The following SEPTIN7 variants were observed in gnomAD, a reference collection of about 807,000 sequenced individuals.
SEPTIN7 encodes the protein septin 7.
A neutral mutation model predicts 63.3 loss-of-function variants in SEPTIN7; 10 were observed. That is an observed-to-expected ratio of 0.16 (90% CI 0.10 to 0.27). The LOEUF (loss-of-function observed/expected upper bound fraction) is 0.27, where lower values mean the gene tolerates loss of function less well. Among genes scored for constraint, SEPTIN7 ranks in the 10% least tolerant of loss-of-function variants. The probability of loss-of-function intolerance (pLI) is 1.00; values close to 1 mark genes in which losing one functional copy is unlikely to be tolerated. For missense variants in SEPTIN7, 310 were observed against 521.0 expected, an observed-to-expected ratio of 0.59 and a Z score of 3.94; for synonymous variants, 131 against 165.3, an observed-to-expected ratio of 0.79 and a Z score of 1.59.
chr7:35,848,250 C>T (rs1332089665), intron 3 of SEPTIN7, among the ~76,000 whole-genome samples: 1 of 152,150 alleles, frequency 6.6e-6, no homozygotes, highest in East Asian at 1.9e-4. Flanking sequence ...ATCTGAAAGA[C>T]TAATAGTATT....
rs1171997994 is a variant in SEPTIN7, at chr7:35,905,890, T to C, written c.*1597T>C. 6.6e-6 allele frequency: 1 copy of C among 152,342 alleles called. No individual in the cohort carries two copies. Among genetic ancestry groups the C allele is most frequent in the East Asian group, 1.9e-4 (1 of 5,190 alleles). 9.4% of individuals were successfully genotyped at this position (152,342 alleles called of 1,614,324 possible). On this transcript the variant is annotated 3_prime_UTR_variant, in exon 14 of 14. Transcript: ENST00000350320. ...CATAGATTTTAATGTAATGCATAAT[T>C]TAGGTAAGAAATTAATTAATGTAGC...
chr7:35,894,670 G>A lies in SEPTIN7; in HGVS notation c.999-3578G>A, dbSNP rs1342547792. ...CTCAAAATTTTTAGAAATTTTTATT[G>A]AACTTTGAAATTATTTAAGTGAAAT... is the stretch of plus-strand genomic sequence containing the variant. On this transcript the variant is annotated intron_variant, in intron 11 of 13. Transcript: ENST00000350320. Among the ~76,000 whole-genome samples the A allele has an allele frequency of 2.0e-5, 3 of 152,098 alleles. No homozygotes were observed. In the South Asian group the frequency reaches 6.2e-4, roughly 31 times the overall value.
intron 1 of SEPTIN7, among the ~76,000 whole-genome samples, chr7:35,809,752 G>A (rs752260044): frequency 2.0e-5 from 3 of 152,216 alleles, no homozygotes; most frequent in African/African-American, 7.2e-5. Context: ...TGGTATTGCT[G>A]TGCTGAGAAT....
chr7:35,831,598 T>C, intron 2 of SEPTIN7, 102 bp downstream of exon 2: 1 of 326,296 alleles, frequency 3.1e-6, no homozygotes, highest in South Asian at 2.5e-5. Context: ...TTAGGTTTAA[T>C]GCATATTTCT....
At chr7:35,897,868 T>C (rs1276277052) in intron 11 of SEPTIN7, among the ~76,000 whole-genome samples, 3 of 152,178 alleles carry the variant, frequency 2.0e-5, no homozygotes, top group Non-Finnish European at 4.4e-5. Flanking sequence ...ACTAAAAATA[T>C]TCTACATATG....
chr7:35,838,832 G>A (rs142896352), intron 3 of SEPTIN7, among the ~76,000 whole-genome samples: 7 of 152,282 alleles, frequency 4.6e-5, no homozygotes, highest in African/African-American at 1.7e-4. Flanking sequence ...TTTGATCTAA[G>A]TTGTGAGGCA....
chr7:35,834,936 C>T (rs1056177707), intron 3 of SEPTIN7, among the ~76,000 whole-genome samples: 7 of 152,138 alleles, frequency 4.6e-5, no homozygotes, highest in Admixed American at 3.9e-4. Context: ...TTACAACTTA[C>T]ACATTGATAT....
intron 4 of SEPTIN7, among the ~76,000 whole-genome samples, chr7:35,865,932 T>G (rs1466114082): frequency 6.6e-6 from 1 of 152,236 alleles, no homozygotes; most frequent in Non-Finnish European, 1.5e-5. Context: ...AAAATAACAC[T>G]TCAAAAATAT....
chr7:35,823,925 C>G (rs1783369865), intron 1 of SEPTIN7, among the ~76,000 whole-genome samples: 1 of 151,754 alleles, frequency 6.6e-6, no homozygotes, highest in Non-Finnish European at 1.5e-5. Flanking sequence ...GTCCTTCATT[C>G]CATAAATGTT....
rs1191894338 is a variant in SEPTIN7, at chr7:35,905,204, GA to G, written c.*917del. On this transcript the variant is annotated 3_prime_UTR_variant, in exon 14 of 14. Transcript: ENST00000350320. ...AATGGGAATCATGGCCTCTTGAAGA[GA>G]AAAAAGTCACCATTCTGCATTTAGC... The G allele has an allele frequency of 6.6e-6, 1 of 152,484 alleles. No individual in the cohort carries two copies. Among genetic ancestry groups the G allele is most frequent in the Admixed American group, 6.5e-5 (1 of 15,270 alleles). 9.4% of individuals were successfully genotyped at this position (152,484 alleles called of 1,614,324 possible).
chr7:35,904,171 A>G, intron 13 of SEPTIN7, 83 bp from the exon 14 acceptor site: 1 of 986,254 alleles, frequency 1.0e-6, no homozygotes, highest in Non-Finnish European at 1.4e-6. Context: ...CATTGTTGTA[A>G]TTGGGTTAGC....
intron 7 of SEPTIN7, among the ~76,000 whole-genome samples, chr7:35,881,156 T>C (rs1201198868): frequency 2.0e-5 from 3 of 151,990 alleles, no homozygotes; most frequent in Non-Finnish European, 4.4e-5. Context: ...AAATTCATAC[T>C]AATTTTCAGA....
chr7:35,861,361 G>A (rs1785498396), intron 3 of SEPTIN7, among the ~76,000 whole-genome samples: 1 of 152,110 alleles, frequency 6.6e-6, no homozygotes, highest in Non-Finnish European at 1.5e-5. Flanking sequence ...TGCATGCCTT[G>A]TGATGTTTTT....
At chr7:35,840,982 T>C (rs1411359584) in intron 3 of SEPTIN7, among the ~76,000 whole-genome samples, 2 of 152,220 alleles carry the variant, frequency 1.3e-5, no homozygotes, top group Non-Finnish European at 2.9e-5. Flanking sequence ...ATTCTTAATC[T>C]GAATTAATGG....
intron 3 of SEPTIN7, among the ~76,000 whole-genome samples, chr7:35,845,165 A>G (rs957692609): frequency 2.0e-5 from 3 of 152,170 alleles, no homozygotes; most frequent in African/African-American, 7.2e-5. Flanking sequence ...AATGCTGTGT[A>G]CTGTGAGTGA....
chr7:35,885,946 A>C lies in SEPTIN7; in HGVS notation c.872+67A>C, dbSNP rs1583624770. On this transcript the variant is annotated intron_variant, in intron 10 of 13. Transcript: ENST00000350320. ...CCCTAAGTAAGAGTTGGACAGATTT[A>C]CTTTTTGCCTTCTATAAATGTAGCT... is the stretch of plus-strand genomic sequence containing the variant. 10 of 1,106,142 alleles carry C rather than the reference A, an allele frequency of 9.0e-6. No individual in the cohort carries two copies. In the East Asian group the frequency reaches 2.5e-4, roughly 27 times the overall value. 68.5% of individuals were successfully genotyped at this position (1,106,142 alleles called of 1,614,324 possible).
chr7:35,810,602 C>T (rs1362948371), intron 1 of SEPTIN7, among the ~76,000 whole-genome samples: 1 of 152,082 alleles, frequency 6.6e-6, no homozygotes, highest in African/African-American at 2.4e-5. Flanking sequence ...GGATTACAGG[C>T]GTGAGCCACC....
intron 7 of SEPTIN7, among the ~76,000 whole-genome samples, chr7:35,880,223 C>CTTTTTTTTTTTTTTTTTTTTTGTTTT: frequency 1.4e-5 from 1 of 72,776 alleles, no homozygotes; most frequent in Non-Finnish European, 2.6e-5. Context: ...TTTTTCTTTT[C>CTTTTTTTTTTTTTTTTTTTTTGTTTT]TTTTTTTTTT....
chr7:35,803,771 T>A (rs1434319488), intron 1 of SEPTIN7, among the ~76,000 whole-genome samples: 1 of 152,194 alleles, frequency 6.6e-6, no homozygotes, highest in Non-Finnish European at 1.5e-5. Flanking sequence ...TAAACTTTAT[T>A]ATACAATAGA....
Sources: gnomAD v4.1 joint callset for allele counts (sites outside exome capture counted in the v4.1 genomes callset) on GRCh38, gnomAD v4.1.1 for gene constraint, MANE v1.5 for transcripts, NCBI Gene and HGNC (gene_info 2026-07-23, HGNC 2026-07-21) for gene names.